Variants in LDLRAD3 observed in about 807,000 individuals in gnomAD.
The protein encoded by LDLRAD3 is low density lipoprotein receptor class A domain containing 3.
In LDLRAD3, 20 loss-of-function variants were observed where a neutral mutation model predicts 29.4. The observed-to-expected ratio is 0.68, with a 90% CI of 0.48 to 0.99. The LOEUF (loss-of-function observed/expected upper bound fraction) is 0.99. LDLRAD3 is among the 50% of genes least tolerant of loss of function. LDLRAD3 has a pLI of 0.00. For missense variants in LDLRAD3, 420 were observed against 454.3 expected (o/e 0.92, Z 0.69); for synonymous variants, 157 against 192.7 (o/e 0.81, Z 1.53).
At chr11:36,225,082 G>A (rs201613887) in intron 4 of LDLRAD3, among the ~76,000 whole-genome samples, 87 of 152,274 alleles carry the variant, frequency 5.7e-4, no homozygotes, top group East Asian at 2.9e-3. Context: ...CAAAACAGAC[G>A]CACACCTAGT....
chr11:36,200,286 C>T (rs1391063771), intron 4 of LDLRAD3, among the ~76,000 whole-genome samples: 9 of 152,080 alleles, frequency 5.9e-5, no homozygotes. Context: ...TAGTAAGGGC[C>T]CTCCTGGCTT....
chr11:35,987,124 C>A (rs1851624957), intron 1 of LDLRAD3, among the ~76,000 whole-genome samples: 1 of 152,200 alleles, frequency 6.6e-6, no homozygotes, highest in Admixed American at 6.5e-5. Flanking sequence ...AATATTCATG[C>A]CTCCTGTGGT....
intron 4 of LDLRAD3, among the ~76,000 whole-genome samples, chr11:36,205,376 A>G (rs969596374): frequency 6.6e-6 from 1 of 152,144 alleles, no homozygotes; most frequent in Non-Finnish European, 1.5e-5. Context: ...AAGGAGTAGG[A>G]CAGTCACCGG....
intron 1 of LDLRAD3, among the ~76,000 whole-genome samples, chr11:36,019,292 C>T (rs1316933160): frequency 1.3e-5 from 2 of 152,170 alleles, no homozygotes; most frequent in Non-Finnish European, 1.5e-5. Context: ...CATGGTCTCT[C>T]ATGTTGTTAG....
At chr11:36,015,018 G>A (rs544178907) in intron 1 of LDLRAD3, among the ~76,000 whole-genome samples, 51 of 152,314 alleles carry the variant, frequency 3.3e-4, no homozygotes, top group African/African-American at 1.2e-3. Context: ...AACTGGAGCT[G>A]GAATTGGCTT....
intron 2 of LDLRAD3, among the ~76,000 whole-genome samples, chr11:36,041,167 C>A (rs1353547070): frequency 6.6e-6 from 1 of 152,146 alleles, no homozygotes. Flanking sequence ...TTTACAAAAA[C>A]GAGGAAGCTC....
At chr11:36,028,625 C>T (rs1310711384) in intron 1 of LDLRAD3, among the ~76,000 whole-genome samples, 3 of 152,064 alleles carry the variant, frequency 2.0e-5, no homozygotes, top group Non-Finnish European at 4.4e-5. Context: ...AACTTTGAAC[C>T]TCAATTAAGT....
At chr11:36,032,609 T>C (rs978954403) in intron 1 of LDLRAD3, among the ~76,000 whole-genome samples, 18 of 152,134 alleles carry the variant, frequency 1.2e-4, no homozygotes, top group African/African-American at 4.3e-4. Flanking sequence ...GCAGGAGGTA[T>C]AGCAACATCT....
chr11:36,041,722 C>T (rs572192568), intron 2 of LDLRAD3, among the ~76,000 whole-genome samples: 1 of 152,174 alleles, frequency 6.6e-6, no homozygotes, highest in Non-Finnish European at 1.5e-5. Context: ...TAGCTGCTGT[C>T]TCTCCGTGTT....
intron 1 of LDLRAD3, among the ~76,000 whole-genome samples, chr11:35,984,231 A>G (rs1239155914): frequency 6.6e-6 from 1 of 152,142 alleles, no homozygotes; most frequent in Admixed American, 6.5e-5. Flanking sequence ...GCCAGTGTTT[A>G]TGTTTATGGG....
chr11:35,959,036 A>G (rs957732377), intron 1 of LDLRAD3, among the ~76,000 whole-genome samples: 4 of 152,092 alleles, frequency 2.6e-5, no homozygotes, highest in East Asian at 3.9e-4. Context: ...AACTGATACA[A>G]ATCAAGATGG....
intron 2 of LDLRAD3, among the ~76,000 whole-genome samples, chr11:36,057,125 T>A (rs1345289223): frequency 2.0e-5 from 3 of 152,120 alleles, no homozygotes; most frequent in African/African-American, 4.8e-5. Flanking sequence ...CCAGGACCTT[T>A]CTGGGATATT....
chr11:36,122,272 C>T (rs191722237), intron 4 of LDLRAD3, among the ~76,000 whole-genome samples: 2 of 152,144 alleles, frequency 1.3e-5, no homozygotes, highest in Admixed American at 1.3e-4. Context: ...TGGGCATGAA[C>T]AATTTGTAGA....
chr11:36,024,438 T>C (rs1286288303), intron 1 of LDLRAD3, among the ~76,000 whole-genome samples: 1 of 152,190 alleles, frequency 6.6e-6, no homozygotes, highest in Admixed American at 6.5e-5. Flanking sequence ...TCCTCAGTTT[T>C]ACAAATGGAA....
chr11:36,152,339 C>G (rs988085729), intron 4 of LDLRAD3, among the ~76,000 whole-genome samples: 10 of 152,202 alleles, frequency 6.6e-5, no homozygotes, highest in African/African-American at 2.2e-4. Flanking sequence ...AGAGGTTTAT[C>G]TAATTCAGCT....
chr11:36,003,261 A>G (rs1042178093), intron 1 of LDLRAD3, among the ~76,000 whole-genome samples: 1 of 152,226 alleles, frequency 6.6e-6, no homozygotes, highest in Non-Finnish European at 1.5e-5. Flanking sequence ...TGTGTGTCAC[A>G]TCTGGAAGCT....
At chr11:35,976,310 T>C (rs1377536643) in intron 1 of LDLRAD3, among the ~76,000 whole-genome samples, 2 of 152,104 alleles carry the variant, frequency 1.3e-5, no homozygotes, top group Admixed American at 1.3e-4. Flanking sequence ...GTTGTAGGGA[T>C]TAGTTCTGTG....
chr11:36,209,002 T>C (rs1261732258), intron 4 of LDLRAD3, among the ~76,000 whole-genome samples: 1 of 152,252 alleles, frequency 6.6e-6, no homozygotes. Context: ...TGAATGCATT[T>C]CAGGTATCCC....
At chr11:36,071,971 T>C (rs1413049832) in intron 2 of LDLRAD3, among the ~76,000 whole-genome samples, 1 of 152,256 alleles carries the variant, frequency 6.6e-6, no homozygotes, top group Non-Finnish European at 1.5e-5. Context: ...CAATTTGTTA[T>C]AAATTTTACA....
Sources: gnomAD v4.1 joint callset for allele counts (sites outside exome capture counted in the v4.1 genomes callset) on GRCh38, gnomAD v4.1.1 for gene constraint, MANE v1.5 for transcripts, NCBI Gene and HGNC (gene_info 2026-07-23, HGNC 2026-07-21) for gene names.